The following LRRC7 variants were observed in gnomAD, a reference collection of about 807,000 sequenced individuals.
LRRC7 encodes the protein leucine rich repeat containing 7.
A neutral mutation model predicts 175.7 loss-of-function variants in LRRC7; 23 were observed. The ratio of observed to expected loss-of-function variants is 0.13; its 90% confidence interval spans 0.09 to 0.19. LRRC7 has a LOEUF of 0.19. Among genes scored for constraint, LRRC7 ranks in the 10% least tolerant of loss-of-function variants. The probability of loss-of-function intolerance (pLI) is 1.00; values close to 1 mark genes in which losing one functional copy is unlikely to be tolerated. For missense variants in LRRC7, 1,354 were observed against 1,904.7 expected (o/e 0.71, Z 5.38); for synonymous variants, 685 against 680.9 (o/e 1.01, Z -0.09).
At chr1:69,615,322 T>C (rs1302068117) in intron 1 of LRRC7, among the ~76,000 whole-genome samples, 1 of 152,026 alleles carries the variant, frequency 6.6e-6, no homozygotes, top group Non-Finnish European at 1.5e-5. Flanking sequence ...ACAGTTCTGA[T>C]CAATGAAAAT....
At chr1:69,851,626 C>A (rs914140119) in intron 7 of LRRC7, among the ~76,000 whole-genome samples, 2 of 151,938 alleles carry the variant, frequency 1.3e-5, no homozygotes, top group African/African-American at 4.8e-5. Context: ...CTCTATAAAG[C>A]ATGGAGAGTC....
intron 7 of LRRC7, among the ~76,000 whole-genome samples, chr1:69,858,635 T>C (rs1227471149): frequency 1.3e-5 from 2 of 152,090 alleles, no homozygotes; most frequent in African/African-American, 4.8e-5. Context: ...TTTGCCTGCT[T>C]TGCTTCACAG....
At chr1:69,591,038 T>C (rs1646611266) in intron 1 of LRRC7, among the ~76,000 whole-genome samples, 1 of 152,106 alleles carries the variant, frequency 6.6e-6, no homozygotes, top group African/African-American at 2.4e-5. Context: ...TAGCTACACA[T>C]AAAGTTTAAT....
At chr1:69,998,168 G>A (rs1655185590) in intron 11 of LRRC7, among the ~76,000 whole-genome samples, 1 of 152,066 alleles carries the variant, frequency 6.6e-6, no homozygotes. Flanking sequence ...ACAAAAAACT[G>A]CACATATTTA....
rs192175082 is a variant in LRRC7, at chr1:69,822,111, T to C, written c.422-3637T>C. Among the ~76,000 whole-genome samples the C allele has an allele frequency of 4.5e-3, 681 of 152,324 alleles. 1 individual carries two copies. Among genetic ancestry groups the C allele is most frequent in the Non-Finnish European group, 7.2e-3 (490 of 68,030 alleles). ...TTGCTGTGGATGTGCCTGCTCCACC[T>C]ATTTTGTTTCCTCTTGGGCAGAATT... On this transcript the variant is annotated intron_variant, in intron 4 of 26. Transcript: ENST00000651989.
chr1:69,708,451 TTG>T (rs1444132853), intron 2 of LRRC7, among the ~76,000 whole-genome samples: 1 of 152,184 alleles, frequency 6.6e-6, no homozygotes, highest in Non-Finnish European at 1.5e-5. Flanking sequence ...TTTTTGAACG[TTG>T]TTTCTTCTCC....
At chr1:69,911,335 T>A (rs1246586750) in intron 7 of LRRC7, among the ~76,000 whole-genome samples, 1 of 152,190 alleles carries the variant, frequency 6.6e-6, no homozygotes. Flanking sequence ...TATTCGGCCT[T>A]CTTGGCTCCA....
intron 4 of LRRC7, among the ~76,000 whole-genome samples, chr1:69,815,711 A>G (rs1678505051): frequency 6.6e-6 from 1 of 152,206 alleles, no homozygotes; most frequent in South Asian, 2.1e-4. Context: ...CTATAACAAA[A>G]TACTACAAAC....
At chr1:69,868,053 G>A (rs745807724) in intron 7 of LRRC7, among the ~76,000 whole-genome samples, 18 of 151,958 alleles carry the variant, frequency 1.2e-4, no homozygotes, top group Non-Finnish European at 1.8e-4. Flanking sequence ...ATTATTTTAC[G>A]CCCAGAACAA....
intron 7 of LRRC7, among the ~76,000 whole-genome samples, chr1:69,863,411 C>T (rs1389386553): frequency 6.6e-6 from 1 of 152,152 alleles, no homozygotes; most frequent in Non-Finnish European, 1.5e-5. Context: ...AGGAATCTTG[C>T]CTAGCTTGTT....
Position 69,939,027 on chromosome 1 carries a change from A to C in LRRC7, c.711+7457A>C, listed in dbSNP as rs1339355731. ...TATATATATATATCTATATATATAT[A>C]TATCTATATATATCTATATCTATCT... On this transcript the variant is annotated intron_variant, in intron 8 of 26. Transcript: ENST00000651989. Among the ~76,000 whole-genome samples the C allele has an allele frequency of 2.5e-5, 2 of 80,020 alleles. 1 individual carries two copies. Among genetic ancestry groups the C allele is most frequent in the Non-Finnish European group, 6.0e-5 (2 of 33,306 alleles). The allele number at this position is 80,020 out of a possible 152,430, so 52.5% of individuals were successfully genotyped here.
intron 7 of LRRC7, among the ~76,000 whole-genome samples, chr1:69,842,361 G>A (rs187654689): frequency 1.3e-5 from 2 of 152,134 alleles, no homozygotes; most frequent in African/African-American, 2.4e-5. Flanking sequence ...AATTTATCAA[G>A]GCCAAGACTA....
chr1:69,910,038 T>C (rs1378434687), intron 7 of LRRC7, among the ~76,000 whole-genome samples: 2 of 152,230 alleles, frequency 1.3e-5, no homozygotes, highest in Non-Finnish European at 2.9e-5. Context: ...CCATCACTGA[T>C]ACCCTTTCTT....
intron 1 of LRRC7, among the ~76,000 whole-genome samples, chr1:69,656,305 G>A (rs959581637): frequency 3.9e-5 from 6 of 151,972 alleles, no homozygotes; most frequent in Middle Eastern, 3.4e-3. Flanking sequence ...TTATGAGATG[G>A]TATATTGTCA....
intron 23 of LRRC7, among the ~76,000 whole-genome samples, chr1:70,057,738 G>C (rs1251879622): frequency 2.6e-5 from 4 of 152,068 alleles, no homozygotes; most frequent in African/African-American, 7.2e-5. Flanking sequence ...GTTACTCATG[G>C]CCATGCCAGC....
intron 9 of LRRC7, among the ~76,000 whole-genome samples, chr1:69,981,948 C>G (rs1373269374): frequency 1.3e-5 from 2 of 152,196 alleles, no homozygotes; most frequent in Non-Finnish European, 2.9e-5. Context: ...AAAAAAGTAA[C>G]TGGCCCAAGA....
intron 7 of LRRC7, among the ~76,000 whole-genome samples, chr1:69,899,769 G>A (rs1381736940): frequency 6.6e-6 from 1 of 152,170 alleles, no homozygotes; most frequent in African/African-American, 2.4e-5. Flanking sequence ...ATAGGATTAA[G>A]CTGTTTTAAA....
intron 7 of LRRC7, among the ~76,000 whole-genome samples, chr1:69,925,465 C>T (rs1219097602): frequency 1.3e-5 from 2 of 152,110 alleles, no homozygotes; most frequent in African/African-American, 4.8e-5. Flanking sequence ...TTGATTATTG[C>T]CACAATTTCA....
At chr1:69,994,425 A>G (rs933879939) in intron 10 of LRRC7, 136 bp from the exon 11 acceptor site, 12 of 683,966 alleles carry the variant, frequency 1.8e-5, no homozygotes, top group Non-Finnish European at 2.8e-5. Flanking sequence ...CGTCAGTTTT[A>G]TGAGTGTGTA....
Sources: allele counts gnomAD v4.1 joint callset (sites outside exome capture counted in the v4.1 genomes callset), GRCh38; gene constraint gnomAD v4.1.1; transcripts MANE v1.5; gene names NCBI Gene and HGNC (gene_info 2026-07-23, HGNC 2026-07-21).